Variants in UNC5C observed in about 807,000 individuals in gnomAD.
UNC5C encodes netrin receptor UNC5C.
A neutral mutation model predicts 99.8 loss-of-function variants in UNC5C; 47 were observed. The ratio of observed to expected loss-of-function variants is 0.47; its 90% confidence interval spans 0.37 to 0.60. The LOEUF is 0.60. Among genes scored for constraint, UNC5C ranks in the 20% least tolerant of loss-of-function variants. The pLI is 0.00. For synonymous variants in UNC5C, 487 were observed against 452.2 expected (o/e 1.08, Z -0.98); for missense variants, 1,062 against 1,165.9 (o/e 0.91, Z 1.30).
At chr4:95,207,603 G>C (rs1308550469) in intron 10 of UNC5C, among the ~76,000 whole-genome samples, 1 of 152,134 alleles carries the variant, frequency 6.6e-6, no homozygotes, top group Non-Finnish European at 1.5e-5. Flanking sequence ...GTGCTAGTTA[G>C]TGCTGAGATG....
chr4:95,414,885 C>A (rs983359980), intron 1 of UNC5C, among the ~76,000 whole-genome samples: 7 of 152,098 alleles, frequency 4.6e-5, no homozygotes, highest in African/African-American at 1.7e-4. Flanking sequence ...GATAATTATG[C>A]TGAAAAGATG....
intron 1 of UNC5C, among the ~76,000 whole-genome samples, chr4:95,366,768 G>A (rs972059015): frequency 3.9e-5 from 6 of 152,090 alleles, no homozygotes; most frequent in Admixed American, 2.6e-4. Flanking sequence ...ATTGTTAAGC[G>A]AATTTTTGTC....
chr4:95,183,702 G>GGAAA (rs34562646), intron 13 of UNC5C, among the ~76,000 whole-genome samples: 92,442 of 151,722 alleles, frequency 0.61, 30,008 homozygotes, highest in Admixed American at 0.77. Context: ...TTTCAATAAA[G>GGAAA]GAAAGAAAAG....
chr4:95,459,992 C>T (rs116372245), intron 1 of UNC5C, among the ~76,000 whole-genome samples: 1,644 of 152,070 alleles, frequency 0.011, 25 homozygotes, highest in African/African-American at 0.038. Flanking sequence ...TTGATAATAG[C>T]GAGAATCAAA....
chr4:95,413,676 A>G (rs1746071064), intron 1 of UNC5C, among the ~76,000 whole-genome samples: 1 of 152,190 alleles, frequency 6.6e-6, no homozygotes, highest in African/African-American at 2.4e-5. Flanking sequence ...TCCTTTCCAA[A>G]TAATAACACT....
intron 1 of UNC5C, among the ~76,000 whole-genome samples, chr4:95,531,212 G>C (rs1160100391): frequency 1.3e-5 from 2 of 152,132 alleles, no homozygotes; most frequent in African/African-American, 4.8e-5. Flanking sequence ...CTTAAATGCT[G>C]TTTGGTCTAA....
chr4:95,265,931 A>G (rs1740431401), intron 4 of UNC5C, among the ~76,000 whole-genome samples: 1 of 152,200 alleles, frequency 6.6e-6, no homozygotes, highest in Non-Finnish European at 1.5e-5. Context: ...ATTAGGAGAC[A>G]GTCAATAAGT....
At chr4:95,344,651 A>G (rs1204106195) in intron 1 of UNC5C, among the ~76,000 whole-genome samples, 1 of 152,166 alleles carries the variant, frequency 6.6e-6, no homozygotes, top group Non-Finnish European at 1.5e-5. Context: ...AGACATAGAC[A>G]GTACAATAAA....
chr4:95,505,788 T>C (rs1220113354), intron 1 of UNC5C, among the ~76,000 whole-genome samples: 1 of 152,052 alleles, frequency 6.6e-6, no homozygotes, highest in Non-Finnish European at 1.5e-5. Context: ...ATACAGGAGA[T>C]GTTGAAAAGG....
At chr4:95,414,939 T>A (rs1398512169) in intron 1 of UNC5C, among the ~76,000 whole-genome samples, 3 of 152,164 alleles carry the variant, frequency 2.0e-5, no homozygotes, top group Admixed American at 2.0e-4. Flanking sequence ...CTTTTACAAG[T>A]GGGAAATAAG....
rs576353138 is a variant in UNC5C at position 95,539,379 on chromosome 4, T to C, written c.124+9355A>G. 4.1e-4 allele frequency among the ~76,000 whole-genome samples: 62 copies of C among 152,274 alleles called. No homozygotes were observed. The South Asian group carries it at 0.013, about 32-fold the overall frequency. On this transcript the variant is annotated intron_variant, in intron 1 of 15. Coordinates refer to ENST00000453304, the MANE Select transcript of UNC5C (RefSeq NM_003728.4). The stretch of plus-strand genomic sequence containing the variant: ...TCCATCAGATAAGCCACTGCACTAA[T>C]GAGACAAAAACATCTCTTTGGAAAC...
At chr4:95,335,162 C>A (rs1743284264) in intron 2 of UNC5C, among the ~76,000 whole-genome samples, 1 of 151,896 alleles carries the variant, frequency 6.6e-6, no homozygotes, top group East Asian at 1.9e-4. Flanking sequence ...CATTATTTAT[C>A]TTCTTAAGTA....
intron 1 of UNC5C, among the ~76,000 whole-genome samples, chr4:95,537,603 T>C (rs1175048536): frequency 6.6e-6 from 1 of 152,176 alleles, no homozygotes; most frequent in Non-Finnish European, 1.5e-5. Flanking sequence ...TTTCAGATGA[T>C]TGAAATGAAG....
intron 7 of UNC5C, among the ~76,000 whole-genome samples, chr4:95,233,098 T>C (rs1412932051): frequency 6.6e-6 from 1 of 152,246 alleles, no homozygotes; most frequent in Admixed American, 6.5e-5. Context: ...CCTGGGCTTC[T>C]GGGGGCCCTG....
chr4:95,232,858 G>GA (rs34186245), intron 7 of UNC5C, among the ~76,000 whole-genome samples: 54,562 of 151,960 alleles, frequency 0.36, 10,428 homozygotes, highest in East Asian at 0.71. Flanking sequence ...CACATATCAA[G>GA]AACTACACAA....
At chr4:95,368,901 GTA>G (rs1321828931) in intron 1 of UNC5C, among the ~76,000 whole-genome samples, 3 of 151,898 alleles carry the variant, frequency 2.0e-5, no homozygotes, top group Non-Finnish European at 2.9e-5. Context: ...GTGTGTGTGT[GTA>G]TGTGTGTGTG....
intron 4 of UNC5C, among the ~76,000 whole-genome samples, chr4:95,265,239 C>T (rs1328377272): frequency 1.3e-5 from 2 of 152,206 alleles, no homozygotes; most frequent in Admixed American, 1.3e-4. Flanking sequence ...AAGCTCTATT[C>T]ATACTTCCAA....
At chr4:95,533,083 T>A (rs1722694530) in intron 1 of UNC5C, among the ~76,000 whole-genome samples, 1 of 152,042 alleles carries the variant, frequency 6.6e-6, no homozygotes, top group African/African-American at 2.4e-5. Context: ...TTAGGTAACA[T>A]CATTTAATCA....
chr4:95,169,164 T>G lies in UNC5C; in HGVS notation c.*70A>C. 6.3e-7 allele frequency: 1 copy of G among 1,585,282 alleles called. No homozygotes were observed. Among genetic ancestry groups the G allele is most frequent in the East Asian group, 2.2e-5 (1 of 44,538 alleles). On this transcript the variant is annotated 3_prime_UTR_variant, in exon 16 of 16. Coordinates refer to ENST00000453304, the MANE Select transcript of UNC5C (RefSeq NM_003728.4). ...GTCTCATCTGGATTTCCTCCTCAGCTGTGATTCACCTGGACGGCCACAGAC... is the reference window on the plus strand; with the variant it reads ...GTCTCATCTGGATTTCCTCCTCAGCGGTGATTCACCTGGACGGCCACAGAC...
Sources: gnomAD v4.1 joint callset for allele counts (sites outside exome capture counted in the v4.1 genomes callset) on GRCh38, gnomAD v4.1.1 for gene constraint, MANE v1.5 for transcripts, NCBI Gene and HGNC (gene_info 2026-07-23, HGNC 2026-07-21) for gene names.